The following SLC9A1 variants were observed in gnomAD, a reference collection of about 807,000 sequenced individuals.
SLC9A1 encodes solute carrier family 9 member A1.
Under a neutral mutation model 67.9 loss-of-function variants are expected in SLC9A1, and 22 were observed. The observed-to-expected ratio is 0.32, with a 90% CI of 0.23 to 0.46. SLC9A1 has a LOEUF of 0.46. Ranked by LOEUF, SLC9A1 falls within the 20% of genes least tolerant of loss-of-function variation. The probability of loss-of-function intolerance (pLI) is 1.00; values close to 1 mark genes in which losing one functional copy is unlikely to be tolerated. For missense variants in SLC9A1, 686 were observed against 1,094.8 expected, an observed-to-expected ratio of 0.63 and a Z score of 5.27; for synonymous variants, 421 against 471.8, an observed-to-expected ratio of 0.89 and a Z score of 1.40.
chr1:27,146,366 T>A (rs1000126554), intron 1 of SLC9A1, among the ~76,000 whole-genome samples: 8 of 152,068 alleles, frequency 5.3e-5, no homozygotes, highest in Admixed American at 2.6e-4. Context: ...GGACTTGGAG[T>A]GGGTCAGCTT....
In SLC9A1 at chr1:27,118,526, C is replaced by T. The variant is rs565769800; in HGVS notation, c.353-4240G>A. ...AAAGAGCAGGATGCTTGCTGACACC[C>T]GGTGTGGTGAAAGGGGCACAGAAGG... On this transcript the variant is annotated intron_variant, in intron 1 of 11. Coordinates refer to ENST00000263980, the MANE Select transcript of SLC9A1 (RefSeq NM_003047.5). This position sits in a 1 kb window ranked among gnomAD's most constrained non-coding sequence, Gnocchi z 4.3. Among the ~76,000 whole-genome samples the T allele has an allele frequency of 2.5e-4, 38 of 152,238 alleles. No homozygotes were observed. The highest frequency in any genetic ancestry group is 7.5e-4 in the African/African-American group (31 of 41,544).
chr1:27,134,090 T>C (rs751647287), intron 1 of SLC9A1, among the ~76,000 whole-genome samples: 1 of 152,134 alleles, frequency 6.6e-6, no homozygotes, highest in African/African-American at 2.4e-5. Context: ...CTAAAGTGCC[T>C]TTCCACTGTA....
intron 4 of SLC9A1, 80 bp downstream of exon 4, chr1:27,107,568 C>A (rs993970703): frequency 2.8e-6 from 3 of 1,081,872 alleles, no homozygotes; most frequent in Non-Finnish European, 4.1e-6. Flanking sequence ...GCACACACCA[C>A]ACACACAGCA....
At chr1:27,152,348 C>T (rs1224894415) in intron 1 of SLC9A1, among the ~76,000 whole-genome samples, 1 of 152,156 alleles carries the variant, frequency 6.6e-6, no homozygotes, top group Admixed American at 6.5e-5. Context: ...TAATGTAATG[C>T]CAGGTGTGGT....
intron 1 of SLC9A1, among the ~76,000 whole-genome samples, chr1:27,129,113 T>C (rs538601067): frequency 6.6e-6 from 1 of 152,312 alleles, no homozygotes; most frequent in East Asian, 1.9e-4. Flanking sequence ...AACAGGCACC[T>C]GAGGGGGAAG....
At chr1:27,121,944 G>A (rs370276893) in intron 1 of SLC9A1, among the ~76,000 whole-genome samples, 63 of 152,120 alleles carry the variant, frequency 4.1e-4, no homozygotes, top group African/African-American at 1.4e-3. Flanking sequence ...CCAACATGGT[G>A]AAAATCCATC....
intron 1 of SLC9A1, among the ~76,000 whole-genome samples, chr1:27,152,820 C>G (rs529269132): frequency 1.3e-5 from 2 of 152,312 alleles, no homozygotes; most frequent in Non-Finnish European, 2.9e-5. Flanking sequence ...CCCGGCAGCA[C>G]CGCTCAGCTC....
rs983558283 is a variant in SLC9A1, at chr1:27,114,917, C to T, written c.353-631G>A. ...GTCTGCAAACCTGCAAAACAGTAGG[C>T]TTTCCTACTGAGTCCAGGCAGCTGC... On this transcript the variant is annotated intron_variant, in intron 1 of 11. Transcript: ENST00000263980. This position sits in a 1 kb window ranked among gnomAD's most constrained non-coding sequence, Gnocchi z 5.4. 3.3e-5 allele frequency among the ~76,000 whole-genome samples: 5 copies of T among 152,190 alleles called. No homozygotes were observed. The highest frequency in any genetic ancestry group is 5.9e-5 in the Non-Finnish European group (4 of 68,034).
chr1:27,153,962 A>G (rs767248179), intron 1 of SLC9A1, 21 bp downstream of exon 1: 15 of 1,492,176 alleles, frequency 1.0e-5, no homozygotes, highest in Non-Finnish European at 1.2e-5. Flanking sequence ...CGGCCGCAGC[A>G]TCGGAGCAAA....
intron 1 of SLC9A1, among the ~76,000 whole-genome samples, chr1:27,128,048 G>A (rs1451931440): frequency 2.0e-5 from 3 of 152,142 alleles, no homozygotes; most frequent in South Asian, 4.1e-4. Flanking sequence ...GGACAAAGTC[G>A]GGCTCTGTGA....
intron 1 of SLC9A1, among the ~76,000 whole-genome samples, chr1:27,138,790 G>A (rs2083435959): frequency 6.6e-6 from 1 of 152,086 alleles, no homozygotes; most frequent in Non-Finnish European, 1.5e-5. Context: ...AAAGGGGTGG[G>A]CCACACTTTC....
rs1392702511 is a variant in SLC9A1 at position 27,118,673 on chromosome 1, A to C, written c.353-4387T>G. Among the ~76,000 whole-genome samples, 1 of 152,238 alleles carries C rather than the reference A, an allele frequency of 6.6e-6. No individual in the cohort carries two copies. Among genetic ancestry groups the C allele is most frequent in the Non-Finnish European group, 1.5e-5 (1 of 68,034 alleles). On this transcript the variant is annotated intron_variant, in intron 1 of 11. Coordinates refer to ENST00000263980, the MANE Select transcript of SLC9A1 (RefSeq NM_003047.5). This position sits in a 1 kb window ranked among gnomAD's most constrained non-coding sequence, Gnocchi z 4.3. ...CAGCAGCAGTGATGTCACCAGGGTG[A>C]AATCAGGGATGGGAAGAGGCAGTTA...
intron 1 of SLC9A1, among the ~76,000 whole-genome samples, chr1:27,125,795 G>T (rs994220203): frequency 6.6e-6 from 1 of 151,680 alleles, no homozygotes; most frequent in African/African-American, 2.4e-5. Flanking sequence ...GTTTCACCAT[G>T]TTGGCCAGGG....
intron 1 of SLC9A1, among the ~76,000 whole-genome samples, chr1:27,142,211 G>A (rs966823826): frequency 5.3e-5 from 8 of 152,198 alleles, no homozygotes; most frequent in Non-Finnish European, 7.3e-5. Context: ...CACTGTCCAG[G>A]TCTTACTGCC....
chr1:27,120,499 A>T (rs1429558104), intron 1 of SLC9A1, among the ~76,000 whole-genome samples: 1 of 151,428 alleles, frequency 6.6e-6, no homozygotes, highest in Non-Finnish European at 1.5e-5. Flanking sequence ...TCACTTTGGG[A>T]GGCCGAGGCG....
chr1:27,115,082 C>A (rs2124157152), intron 1 of SLC9A1, among the ~76,000 whole-genome samples: 1 of 152,262 alleles, frequency 6.6e-6, no homozygotes, highest in East Asian at 1.9e-4. Context: ...GGGACTTGCC[C>A]AAAGTCACAC....
At chr1:27,152,618 A>C (rs1443730362) in intron 1 of SLC9A1, among the ~76,000 whole-genome samples, 3 of 152,186 alleles carry the variant, frequency 2.0e-5, no homozygotes, top group Non-Finnish European at 4.4e-5. Flanking sequence ...CCCCTTGTCC[A>C]GTCCTTGATT....
In SLC9A1 at chr1:27,135,525, G is replaced by A. The variant is rs577132812; in HGVS notation, c.352+18458C>T. Among the ~76,000 whole-genome samples, 840 of 109,914 alleles carry A rather than the reference G, an allele frequency of 7.6e-3. 10 individuals carry two copies. The highest frequency in any genetic ancestry group is 0.024 in the African/African-American group (680 of 28,930). The allele number at this position is 109,914 out of a possible 152,430, so 72.1% of individuals were successfully genotyped here. A position where few individuals can be genotyped will look rare whatever the true frequency, so the allele number is the denominator to read the frequency against. ...TTTTTTTATTTCTTCCTTTTTTCTG[G>A]AAAAAAAAAAAAAAAAAAAAATCTG... On this transcript the variant is annotated intron_variant, in intron 1 of 11. Transcript: ENST00000263980.
At chr1:27,110,100 G>A (rs920377065) in intron 2 of SLC9A1, among the ~76,000 whole-genome samples, 48 of 152,192 alleles carry the variant, frequency 3.2e-4, no homozygotes, top group Admixed American at 6.5e-5. Flanking sequence ...TCATCTCCCT[G>A]TGTTTCAGTT....
Sources: gnomAD v4.1 joint callset for allele counts (sites outside exome capture counted in the v4.1 genomes callset) on GRCh38, gnomAD v4.1.1 for gene constraint, Gnocchi (gnomAD v3.1) non-coding constraint, MANE v1.5 for transcripts, NCBI Gene and HGNC (gene_info 2026-07-23, HGNC 2026-07-21) for gene names.